Variants in NUP98 observed in about 807,000 individuals in gnomAD.
NUP98 encodes the protein nucleoporin 98 and 96 precursor, also known as nuclear pore complex protein Nup98-Nup96.
Under a neutral mutation model 191.9 loss-of-function variants are expected in NUP98, and 26 were observed. The ratio of observed to expected loss-of-function variants is 0.14; its 90% confidence interval spans 0.10 to 0.19. NUP98 has a LOEUF of 0.19. Ranked by LOEUF, NUP98 falls within the 10% of genes least tolerant of loss-of-function variation. The probability of loss-of-function intolerance (pLI) is 1.00; values close to 1 mark genes in which losing one functional copy is unlikely to be tolerated. For synonymous variants in NUP98, 808 were observed against 778.4 expected, an observed-to-expected ratio of 1.04 and a Z score of -0.63; for missense variants, 1,941 against 2,178.8, an observed-to-expected ratio of 0.89 and a Z score of 2.17.
chr11:3,772,511 A>T (rs78638308), intron 6 of NUP98, among the ~76,000 whole-genome samples: 1 of 152,190 alleles, frequency 6.6e-6, no homozygotes, highest in Non-Finnish European at 1.5e-5. Flanking sequence ...ATGTTCAAAG[A>T]CAGCCATTAA....
intron 30 of NUP98, 143 bp downstream of exon 30, chr11:3,683,057 G>T: frequency 1.7e-6 from 2 of 1,205,456 alleles, no homozygotes; most frequent in African/African-American, 1.5e-5. Flanking sequence ...AGCCTCTTCT[G>T]CAGAGAGCTT....
At chr11:3,715,260 C>T (rs2079143325) in intron 18 of NUP98, among the ~76,000 whole-genome samples, 2 of 152,322 alleles carry the variant, frequency 1.3e-5, no homozygotes, top group South Asian at 4.1e-4. Flanking sequence ...GAGTCTCGAA[C>T]CTCAGCCTCC....
chr11:3,714,694 A>G (rs999233233), intron 18 of NUP98: 1 of 163,360 alleles, frequency 6.1e-6, no homozygotes, highest in South Asian at 2.0e-4. Flanking sequence ...CATGTCCTCA[A>G]GGTTCATCCA....
chr11:3,744,434 G>A, intron 12 of NUP98, 75 bp downstream of exon 12: 1 of 1,453,378 alleles, frequency 6.9e-7, no homozygotes, highest in Non-Finnish European at 9.4e-7. Flanking sequence ...AATGGGACAG[G>A]TGTAGGATGG....
chr11:3,720,687 C>T (rs1388200993), intron 17 of NUP98, 25 bp downstream of exon 17: 1 of 1,229,038 alleles, frequency 8.1e-7, no homozygotes, highest in African/African-American at 1.5e-5. Flanking sequence ...CTGGCTTAAT[C>T]ACTAAGTGCT....
chr11:3,699,283 C>G lies in NUP98; in HGVS notation c.3808G>C (p.Asp1270His). 1 of 1,614,216 alleles carries G rather than the reference C, an allele frequency of 6.2e-7. No homozygotes were observed. Among genetic ancestry groups the G allele is most frequent in the Non-Finnish European group, 8.5e-7 (1 of 1,180,040 alleles). ...TCACGGGGTTCATTTAGCTGGCTGT[C>G]AAGCTCCTTCAGGTGGCCCCATAGG... is the stretch of plus-strand genomic sequence containing the variant. ...EALWGHLKEL[D>H]SQLNEPREYI... is the part of the protein sequence containing the mutation. The change falls in exon 25 of 33, where the codon GAC (aspartate) becomes CAC (histidine). Residue 1270 changes from aspartate (D) to histidine (H), a missense_variant. This residue lies in a region of NUP98 where 1,030 missense variants were observed against 1,115.8 expected (regional missense o/e 0.92). Transcript: ENST00000324932.
At chr11:3,752,450 G>C (rs900517487) in intron 11 of NUP98, among the ~76,000 whole-genome samples, 2 of 151,960 alleles carry the variant, frequency 1.3e-5, no homozygotes, top group African/African-American at 4.8e-5. Context: ...CTGGGAGGCA[G>C]AGATTGCAGT....
chr11:3,712,704 G>A lies in NUP98; in HGVS notation c.2602C>T (p.Leu868Phe). 6.2e-7 allele frequency: 1 copy of A among 1,612,870 alleles called. No individual in the cohort carries two copies. The change falls in exon 20 of 33, where the codon CTT (leucine) becomes TTT (phenylalanine). Residue 868 changes from leucine to phenylalanine, a missense_variant. Physicochemically the swap from Leu to Phe is conservative, Grantham distance 22. This residue lies in a region of NUP98 where 95 missense variants were observed against 139.7 expected (regional missense o/e 0.68). Coordinates refer to ENST00000324932, the MANE Select transcript of NUP98 (RefSeq NM_016320.5). ...TCCTCCTCTTCATCAGAATCCTGAA[G>A]GCCATACTTAGAAAAATGGGAGACC... Reference protein sequence around the residue: ...FKVSHFSKYGLQDSDEEEEEH... With the variant: ...FKVSHFSKYGFQDSDEEEEEH...
chr11:3,767,628 G>GT (rs2081382623), intron 8 of NUP98, among the ~76,000 whole-genome samples: 1 of 152,000 alleles, frequency 6.6e-6, no homozygotes, highest in Non-Finnish European at 1.5e-5. Context: ...GCCCATACTT[G>GT]TTTTTTAATC....
At chr11:3,767,298 ATTT>A (rs2081370728) in intron 8 of NUP98, among the ~76,000 whole-genome samples, 1 of 151,096 alleles carries the variant, frequency 6.6e-6, no homozygotes, top group Admixed American at 6.6e-5. Flanking sequence ...GTCATCTAGT[ATTT>A]TGAAGACATG....
intron 20 of NUP98, among the ~76,000 whole-genome samples, chr11:3,711,072 C>T (rs966544122): frequency 6.6e-6 from 1 of 152,010 alleles, no homozygotes; most frequent in Admixed American, 6.6e-5. Flanking sequence ...ATGGCAAAAT[C>T]CCCTCTCTAC....
intron 13 of NUP98, among the ~76,000 whole-genome samples, chr11:3,732,235 G>A (rs186308445): frequency 2.0e-5 from 3 of 152,182 alleles, no homozygotes; most frequent in African/African-American, 4.8e-5. Flanking sequence ...GTGACAGAGC[G>A]AGACTCTTTC....
intron 18 of NUP98, among the ~76,000 whole-genome samples, chr11:3,716,855 A>C (rs1172895625): frequency 1.3e-5 from 2 of 152,018 alleles, no homozygotes. Flanking sequence ...GAGACCTCCA[A>C]ATTGTTCTTT....
At chr11:3,703,870 T>C (rs1277494344) in intron 22 of NUP98, among the ~76,000 whole-genome samples, 1 of 152,208 alleles carries the variant, frequency 6.6e-6, no homozygotes, top group Non-Finnish European at 1.5e-5. Context: ...CTAGCTATTA[T>C]AGGGATGGAG....
chr11:3,770,152 C>T (rs909202831), intron 7 of NUP98, among the ~76,000 whole-genome samples: 2 of 151,640 alleles, frequency 1.3e-5, no homozygotes, highest in African/African-American at 4.9e-5. Flanking sequence ...CGAGACCAGC[C>T]TGGCCAACAT....
At chr11:3,794,261 T>C (rs2082453776) in intron 1 of NUP98, among the ~76,000 whole-genome samples, 2 of 152,200 alleles carry the variant, frequency 1.3e-5, no homozygotes, top group Non-Finnish European at 2.9e-5. Flanking sequence ...ACAAAAAGAA[T>C]GCACCAAGTT....
chr11:3,781,713 T>A (rs2081976385), intron 2 of NUP98, among the ~76,000 whole-genome samples: 1 of 152,040 alleles, frequency 6.6e-6, no homozygotes, highest in Non-Finnish European at 1.5e-5. Context: ...GGGCAGTTAT[T>A]TCATAACTGC....
chr11:3,780,555 A>G (rs1589957550), intron 2 of NUP98, among the ~76,000 whole-genome samples: 2 of 145,850 alleles, frequency 1.4e-5, no homozygotes, highest in Non-Finnish European at 3.0e-5. Context: ...AAAAAAAAAA[A>G]AAAAAAAGAA....
intron 20 of NUP98, 35 bp from the exon 21 acceptor site, chr11:3,706,662 A>T (rs1381956168): frequency 1.9e-6 from 3 of 1,552,736 alleles, no homozygotes; most frequent in Non-Finnish European, 2.7e-6. Context: ...AAGCAGCATT[A>T]AATTATACCA....
Sources: gnomAD v4.1 joint callset for allele counts (sites outside exome capture counted in the v4.1 genomes callset) on GRCh38, gnomAD v4.1.1 for gene constraint, gnomAD v4.1.1 regional missense constraint, MANE v1.5 for transcripts, NCBI Gene and HGNC (gene_info 2026-07-23, HGNC 2026-07-21) for gene names.